The following OR4K1 variants were observed in gnomAD, a reference collection of about 807,000 sequenced individuals.
OR4K1 encodes the protein olfactory receptor 4K1.
A neutral mutation model predicts 14.4 loss-of-function variants in OR4K1; 16 were observed. That is an observed-to-expected ratio of 1.11 (90% CI 0.75 to 1.68). OR4K1 has a LOEUF of 1.68. Among genes scored for constraint, OR4K1 ranks in the 40% most tolerant of loss-of-function variants. The pLI is 0.00. For missense variants in OR4K1, 548 were observed against 376.9 expected, an observed-to-expected ratio of 1.45 and a Z score of -3.76; for synonymous variants, 181 against 133.1, an observed-to-expected ratio of 1.36 and a Z score of -2.48.
upstream of OR4K1, among the ~76,000 whole-genome samples, chr14:19,928,071 T>C (rs1423270654): frequency 6.6e-6 from 1 of 152,246 alleles, no homozygotes; most frequent in Non-Finnish European, 1.5e-5. Context: ...ACTCACATTT[T>C]TTGAGATGGT....
rs371690131 is a variant in OR4K1 at position 19,935,739 on chromosome 14, C to CTT, written c.76_77dup (p.Phe27SerfsTer8). ...ACTCTCTAATTCCTGGGGACTTCAA[C>CTT]TTTTCTTTTTTGCCATCTTCTCTAT... On this transcript the variant is annotated frameshift_variant, in exon 2 of 2. Transcript: ENST00000641172. LOFTEE classifies it high-confidence loss of function. The CTT allele has an allele frequency of 1.2e-6, 2 of 1,613,768 alleles. No homozygotes were observed. The highest frequency in any genetic ancestry group is 2.7e-5 in the African/African-American group (2 of 74,998).
At chr14:19,922,075 C>CA in the OR4K1 span, among the ~76,000 whole-genome samples, 3 of 129,704 alleles carry the variant, frequency 2.3e-5, no homozygotes, top group Admixed American at 7.7e-5. Flanking sequence ...AGACTCCCCC[C>CA]CCCAAAAATC....
At position 19,931,889 on chromosome 14, in the gene OR4K1, G is replaced by T. The variant is rs933803137; in HGVS notation, c.-20+744G>T. On this transcript the variant is annotated intron_variant, in intron 1 of 1. Transcript: ENST00000641172. ...ATAAACTCCATGTGTTTCCATAACT[G>T]CCTCTGCACTTAGAATTTTAGAGAT... Among the ~76,000 whole-genome samples the T allele has an allele frequency of 3.3e-5, 5 of 152,230 alleles. No individual in the cohort carries two copies. In the South Asian group the frequency reaches 8.3e-4, roughly 25 times the overall value.
chr14:19,928,313 G>T (rs1354654746), upstream of OR4K1, among the ~76,000 whole-genome samples: 1 of 151,988 alleles, frequency 6.6e-6, no homozygotes, highest in Non-Finnish European at 1.5e-5. Flanking sequence ...TTTATTTATT[G>T]CTAGTGGTTT....
chr14:19,923,897 C>T, the OR4K1 span, among the ~76,000 whole-genome samples: 1 of 152,180 alleles, frequency 6.6e-6, no homozygotes, highest in Non-Finnish European at 1.5e-5. Context: ...TAAGTATTCT[C>T]TGTTCAAATT....
upstream of OR4K1, among the ~76,000 whole-genome samples, chr14:19,928,482 T>C (rs2138586633): frequency 6.6e-6 from 1 of 152,314 alleles, no homozygotes; most frequent in East Asian, 1.9e-4. Context: ...GTCTTGTCTT[T>C]GCCACCTTTG....
the OR4K1 span, among the ~76,000 whole-genome samples, chr14:19,925,603 G>T: frequency 6.6e-6 from 1 of 152,252 alleles, no homozygotes; most frequent in Middle Eastern, 3.2e-3. Flanking sequence ...TGTTTCCTGA[G>T]ATCTCACAAT....
upstream of OR4K1, among the ~76,000 whole-genome samples, chr14:19,926,184 T>C (rs1882060401): frequency 6.6e-6 from 1 of 152,274 alleles, no homozygotes; most frequent in African/African-American, 2.4e-5. Context: ...ATGAAGGATA[T>C]AATAAAACTA....
upstream of OR4K1, among the ~76,000 whole-genome samples, chr14:19,930,717 G>GCGAACAAA (rs1882165931): frequency 6.6e-6 from 1 of 152,212 alleles, no homozygotes; most frequent in African/African-American, 2.4e-5. Context: ...ACACTAGTTG[G>GCGAACAAA]CGAACAAACA....
At chr14:19,921,026 A>G in the OR4K1 span, 1 of 1,614,086 alleles carries the variant, frequency 6.2e-7, no homozygotes, top group African/African-American at 1.3e-5. Context: ...GCCGAAGGAC[A>G]TGCACTGTCT....
At chr14:19,927,822 G>T (rs1030396371), upstream of OR4K1, among the ~76,000 whole-genome samples, 17 of 152,298 alleles carry the variant, frequency 1.1e-4, no homozygotes, top group Middle Eastern at 3.4e-3. Flanking sequence ...CTTCTCCCCA[G>T]ACACAATTCC....
chr14:19,935,913 G>A lies in OR4K1; in HGVS notation c.247G>A (p.Val83Ile). The A allele has an allele frequency of 6.2e-7, 1 of 1,614,204 alleles. No homozygotes were observed. The highest frequency in any genetic ancestry group is 8.5e-7 in the Non-Finnish European group (1 of 1,180,028). The change falls in exon 2 of 2, where the codon GTA (valine) becomes ATA (isoleucine). Residue 83 changes from valine (V) to isoleucine (I), a missense_variant. Physicochemically the swap from Val to Ile is conservative, Grantham distance 29. Transcript: ENST00000641172. ...QSNFATPKMLVDFFIERKTIS... is the reference protein window; with the variant it reads ...QSNFATPKMLIDFFIERKTIS... Reference sequence around the variant, plus strand: ...TAACTTTGCCACCCCCAAGATGCTTGTAGACTTTTTTATTGAGCGCAAGAC... The same window carrying A: ...TAACTTTGCCACCCCCAAGATGCTTATAGACTTTTTTATTGAGCGCAAGAC...
Position 19,936,336 on chromosome 14 carries a change from G to A in OR4K1, c.670G>A (p.Gly224Ser), listed in dbSNP as rs199618384. The change falls in exon 2 of 2, where the codon GGT (glycine) becomes AGT (serine). Residue 224 changes from glycine to serine, a missense_variant. Transcript: ENST00000641172. ...TATTTCCTACACCATCATTTTGATC[G>A]GTGTCCGATGCAGGTCCTCCAGTGG... ...LIISYTIILIGVRCRSSSGSS... is the reference protein window; with the variant it reads ...LIISYTIILISVRCRSSSGSS... 498 of 1,614,018 alleles carry A rather than the reference G, an allele frequency of 3.1e-4. No individual in the cohort carries two copies. In the East Asian group the frequency reaches 6.3e-3, roughly 20 times the overall value.
the OR4K1 span, among the ~76,000 whole-genome samples, chr14:19,924,541 T>G: frequency 6.6e-6 from 1 of 152,352 alleles, no homozygotes; most frequent in South Asian, 2.1e-4. Context: ...GGTTTTGATT[T>G]GCATTAGATG....
At chr14:19,921,342 G>A in the OR4K1 span, 12 of 1,614,182 alleles carry the variant, frequency 7.4e-6, no homozygotes, top group Non-Finnish European at 1.0e-5. Flanking sequence ...CCATATTGCA[G>A]TAGTAATATT....
At chr14:19,926,511 G>A (rs1267364185), upstream of OR4K1, among the ~76,000 whole-genome samples, 1 of 152,228 alleles carries the variant, frequency 6.6e-6, no homozygotes, top group African/African-American at 2.4e-5. Context: ...TAGGTGTTGA[G>A]TCCAATACGC....
chr14:19,925,581 C>A, the OR4K1 span, among the ~76,000 whole-genome samples: 1 of 152,248 alleles, frequency 6.6e-6, no homozygotes, highest in Non-Finnish European at 1.5e-5. Flanking sequence ...AAACCCAGGG[C>A]AGACTTTTAT....
At chr14:19,927,896 G>T (rs141908245), upstream of OR4K1, among the ~76,000 whole-genome samples, 112 of 152,288 alleles carry the variant, frequency 7.4e-4, no homozygotes, top group African/African-American at 2.5e-3. Context: ...TGGAATTATA[G>T]ACAAAAGTAT....
At chr14:19,922,078 C>G in the OR4K1 span, among the ~76,000 whole-genome samples, 32,926 of 150,528 alleles carry the variant, frequency 0.22, 2,675 homozygotes, top group Non-Finnish European at 0.25. Flanking sequence ...CTCCCCCCCC[C>G]AAAAATCAAT....
Sources: gnomAD v4.1 joint callset for allele counts (sites outside exome capture counted in the v4.1 genomes callset) on GRCh38, gnomAD v4.1.1 for gene constraint, MANE v1.5 for transcripts, NCBI Gene and HGNC (gene_info 2026-07-23, HGNC 2026-07-21) for gene names.